CLSTN2: variants seen among roughly 807,000 people sequenced by gnomAD.
CLSTN2 encodes the protein calsyntenin-2.
In CLSTN2, 48 loss-of-function variants were observed where a neutral mutation model predicts 101.2. That is an observed-to-expected ratio of 0.47 (90% CI 0.38 to 0.60). The LOEUF is 0.60. Ranked by LOEUF, CLSTN2 falls within the 20% of genes least tolerant of loss-of-function variation. CLSTN2 has a pLI of 0.00. For synonymous variants in CLSTN2, 481 were observed against 463.6 expected (o/e 1.04, Z -0.48); for missense variants, 1,160 against 1,238.2 (o/e 0.94, Z 0.95).
chr3:140,381,381 G>A (rs927112309), intron 2 of CLSTN2, among the ~76,000 whole-genome samples: 1 of 151,994 alleles, frequency 6.6e-6, no homozygotes, highest in East Asian at 1.9e-4. Flanking sequence ...TTTTTGGGGG[G>A]ACACATAATA....
At chr3:140,004,298 T>C (rs1181737742) in intron 1 of CLSTN2, among the ~76,000 whole-genome samples, 2 of 152,252 alleles carry the variant, frequency 1.3e-5, no homozygotes, top group African/African-American at 4.8e-5. Flanking sequence ...AAAGTGACTT[T>C]CTTATGTAAA....
intron 2 of CLSTN2, among the ~76,000 whole-genome samples, chr3:140,348,106 T>C (rs746525129): frequency 2.6e-5 from 4 of 152,194 alleles, no homozygotes; most frequent in Non-Finnish European, 5.9e-5. Flanking sequence ...AGTTTACCAA[T>C]TGTGGTCAAG....
Position 140,428,703 on chromosome 3 carries a change from C to G in CLSTN2, c.787+7429C>G, listed in dbSNP as rs2088598020. On this transcript the variant is annotated intron_variant, in intron 5 of 16. Coordinates refer to ENST00000458420, the MANE Select transcript of CLSTN2 (RefSeq NM_022131.3). Reference sequence around the variant, plus strand: ...ACTGATTTCGGTTCCTTTTACTTTCCCAATAAGATATCCTATTTAAAAGGA... The same window carrying G: ...ACTGATTTCGGTTCCTTTTACTTTCGCAATAAGATATCCTATTTAAAAGGA... Among the ~76,000 whole-genome samples, 3 of 152,274 alleles carry G rather than the reference C, an allele frequency of 2.0e-5. No individual in the cohort carries two copies. The South Asian group carries it at 6.2e-4, about 32-fold the overall frequency.
chr3:140,139,187 C>T (rs984251542), intron 1 of CLSTN2, among the ~76,000 whole-genome samples: 3 of 152,142 alleles, frequency 2.0e-5, no homozygotes, highest in Admixed American at 6.6e-5. Context: ...AGTGAACTTG[C>T]ATTGTAGAGA....
intron 2 of CLSTN2, among the ~76,000 whole-genome samples, chr3:140,386,678 C>T (rs557518555): frequency 5.3e-5 from 8 of 152,216 alleles, no homozygotes; most frequent in Non-Finnish European, 1.0e-4. Flanking sequence ...CTCTGTCTCC[C>T]CTCTGTCCAT....
chr3:140,020,803 G>A (rs2007298717), intron 1 of CLSTN2, among the ~76,000 whole-genome samples: 1 of 152,150 alleles, frequency 6.6e-6, no homozygotes, highest in African/African-American at 2.4e-5. Context: ...AGTAAAAACC[G>A]CTGTTAGCTC....
intron 2 of CLSTN2, among the ~76,000 whole-genome samples, chr3:140,343,192 A>G (rs962871604): frequency 9.2e-5 from 14 of 152,138 alleles, no homozygotes; most frequent in African/African-American, 3.1e-4. Context: ...CTCTCCTTTC[A>G]TTCACCACAG....
At chr3:140,272,546 T>C (rs2086752509) in intron 2 of CLSTN2, among the ~76,000 whole-genome samples, 1 of 152,084 alleles carries the variant, frequency 6.6e-6, no homozygotes, top group Admixed American at 6.5e-5. Context: ...GGATGGGAGT[T>C]CGAGACCAGC....
At chr3:140,421,360 C>T (rs987435813) in intron 5 of CLSTN2, 86 bp downstream of exon 5, 223 of 1,495,884 alleles carry the variant, frequency 1.5e-4, no homozygotes, top group Middle Eastern at 7.0e-4. Flanking sequence ...CATCACAACA[C>T]ATAACTTTTT....
At chr3:140,328,973 C>A (rs954432243) in intron 2 of CLSTN2, among the ~76,000 whole-genome samples, 1 of 152,132 alleles carries the variant, frequency 6.6e-6, no homozygotes, top group Non-Finnish European at 1.5e-5. Context: ...AGTTAGTATC[C>A]AAATTGTAGT....
intron 9 of CLSTN2, among the ~76,000 whole-genome samples, chr3:140,535,005 A>C (rs933475754): frequency 6.6e-5 from 10 of 152,200 alleles, no homozygotes; most frequent in Admixed American, 5.2e-4. Context: ...GGTGAGATGC[A>C]CAGAGGCCTA....
chr3:140,186,457 A>G (rs1233471332), intron 2 of CLSTN2, among the ~76,000 whole-genome samples: 2 of 152,350 alleles, frequency 1.3e-5, no homozygotes, highest in East Asian at 3.9e-4. Flanking sequence ...ATCACAAACC[A>G]AAGAACAAGA....
In CLSTN2 at chr3:140,562,139, C is replaced by T; in HGVS notation, c.2043C>T (p.Asp681=). The T allele has an allele frequency of 6.2e-7, 1 of 1,613,650 alleles. No individual in the cohort carries two copies. Among genetic ancestry groups the T allele is most frequent in the East Asian group, 2.2e-5 (1 of 44,868 alleles). ...TEAPGDVKTT[D]PKSEVLEEML... is the part of the protein sequence containing the mutation. ...TTTCCCATGTCTGTCTTCCTACAGACCCCAAATCAGAAGTCTTAGAGGAAA... is the reference window on the plus strand; with the variant it reads ...TTTCCCATGTCTGTCTTCCTACAGATCCCAAATCAGAAGTCTTAGAGGAAA... The change falls in exon 13 of 17, where the codon GAC becomes GAT. Residue 681 remains aspartate, a splice_region_variant and synonymous_variant. Transcript: ENST00000458420.
chr3:140,058,393 A>G (rs2008137285), intron 1 of CLSTN2, among the ~76,000 whole-genome samples: 1 of 152,122 alleles, frequency 6.6e-6, no homozygotes, highest in African/African-American at 2.4e-5. Context: ...AGCATCATGG[A>G]TGGAAGACAT....
At chr3:140,284,451 G>T (rs2086878003) in intron 2 of CLSTN2, among the ~76,000 whole-genome samples, 1 of 152,150 alleles carries the variant, frequency 6.6e-6, no homozygotes, top group South Asian at 2.1e-4. Context: ...CAAAGAAAAT[G>T]TAAGAGTGAC....
chr3:140,333,312 C>T (rs996540870), intron 2 of CLSTN2, among the ~76,000 whole-genome samples: 1 of 152,164 alleles, frequency 6.6e-6, no homozygotes, highest in African/African-American at 2.4e-5. Context: ...GCCAATAATT[C>T]GCCCTGTGAC....
chr3:140,301,896 T>C (rs2087062611), intron 2 of CLSTN2, among the ~76,000 whole-genome samples: 1 of 151,234 alleles, frequency 6.6e-6, no homozygotes, highest in African/African-American at 2.4e-5. Flanking sequence ...CTCAAACCAT[T>C]ATAGTATTTT....
At chr3:140,518,184 G>A (rs1046398450) in intron 8 of CLSTN2, among the ~76,000 whole-genome samples, 1 of 152,188 alleles carries the variant, frequency 6.6e-6, no homozygotes. Flanking sequence ...TCCAGGCAGT[G>A]GGTGAGCTGG....
intron 2 of CLSTN2, among the ~76,000 whole-genome samples, chr3:140,234,838 T>C (rs2086402751): frequency 6.6e-6 from 1 of 152,186 alleles, no homozygotes; most frequent in Non-Finnish European, 1.5e-5. Context: ...GCTTTATCCA[T>C]GTAGCTCTCC....
Sources: allele counts gnomAD v4.1 joint callset (sites outside exome capture counted in the v4.1 genomes callset), GRCh38; gene constraint gnomAD v4.1.1; transcripts MANE v1.5; gene names NCBI Gene and HGNC (gene_info 2026-07-23, HGNC 2026-07-21).